Variants in PRKX observed in about 807,000 individuals in gnomAD.
The protein encoded by PRKX is protein kinase cAMP-dependent X-linked catalytic subunit, also known as cAMP-dependent protein kinase catalytic subunit PRKX.
In PRKX, 12 loss-of-function variants were observed where a neutral mutation model predicts 22.0. The ratio of observed to expected loss-of-function variants is 0.54; its 90% CI spans 0.35 to 0.88. The LOEUF is 0.88. Ranked by LOEUF, PRKX falls within the 40% of genes least tolerant of loss-of-function variation. The probability of loss-of-function intolerance (pLI) is 0.01; values close to 1 mark genes in which losing one functional copy is unlikely to be tolerated. For missense variants in PRKX, 217 were observed against 308.0 expected (o/e 0.70, Z 2.21); for synonymous variants, 134 against 137.7 (o/e 0.97, Z 0.19).
At chrX:3,642,706 G>A (rs557355045) in intron 3 of PRKX, among the ~76,000 whole-genome samples, 3 of 109,660 alleles carry the variant, frequency 2.7e-5, no homozygotes, top group Middle Eastern at 9.5e-3. Context: ...AATAATTCAA[G>A]AACTCGCTTA....
intron 2 of PRKX, among the ~76,000 whole-genome samples, chrX:3,665,054 A>G (rs1927691417): frequency 9.0e-6 from 1 of 111,718 alleles, no homozygotes; most frequent in Non-Finnish European, 1.9e-5. Context: ...AATGATGCAT[A>G]CTCTAGTGGC....
In PRKX at chrX:3,713,539, C is replaced by T. The variant is rs1012524338; in HGVS notation, c.-286G>A. The T allele has an allele frequency of 4.8e-6, 1 of 207,462 alleles. No individual in the cohort carries two copies. Among genetic ancestry groups the T allele is most frequent in the Non-Finnish European group, 8.8e-6 (1 of 113,200 alleles). 17.1% of individuals were successfully genotyped at this position (207,462 alleles called of 1,213,427 possible). Reference sequence around the variant, plus strand: ...ACTGCGGGGAAGGCGGGGGCCGCGGCCCGGGCTGGGGGGGGCGAGGCGGGG... The same window carrying T: ...ACTGCGGGGAAGGCGGGGGCCGCGGTCCGGGCTGGGGGGGGCGAGGCGGGG... On this transcript the variant is annotated 5_prime_UTR_variant, in exon 1 of 9. Transcript: ENST00000262848.
chrX:3,702,657 C>T (rs1488706021), intron 1 of PRKX, among the ~76,000 whole-genome samples: 1 of 101,558 alleles, frequency 9.8e-6, no homozygotes. Context: ...TGGAGGCCAG[C>T]AGGGAAGACA....
Position 3,705,043 on chromosome X carries a change from A to G in PRKX, c.166+8045T>C, listed in dbSNP as rs368918986. Among the ~76,000 whole-genome samples, 115 of 112,012 alleles carry G rather than the reference A, an allele frequency of 1.0e-3. 2 individuals carry two copies. The South Asian group carries it at 0.019, about 19-fold the overall frequency. On this transcript the variant is annotated intron_variant, in intron 1 of 8. Coordinates refer to ENST00000262848, the MANE Select transcript of PRKX (RefSeq NM_005044.5). The stretch of plus-strand genomic sequence containing the variant: ...ACCAGCGCATTGCAGCTGCCTTTCC[A>G]TGGACCCTGCCGCGTGGGGTGAATA...
rs190268805 is a variant in PRKX, at chrX:3,688,390, G to A, written c.167-13624C>T. 4.5e-4 allele frequency among the ~76,000 whole-genome samples: 47 copies of A among 103,421 alleles called. 4 individuals are homozygous for A. Among genetic ancestry groups the A allele is most frequent in the Middle Eastern group, 5.0e-3 (1 of 200 alleles). 89.8% of individuals were successfully genotyped at this position (103,421 alleles called of 115,157 possible). A position where few individuals can be genotyped will look rare whatever the true frequency, so the allele number is the denominator to read the frequency against. On this transcript the variant is annotated intron_variant, in intron 1 of 8. Transcript: ENST00000262848. ...AAACCTGGGAAGCGGAGGCTGCAGTGAGCCAAGATCACACCACTGCATTCC... is the reference window on the plus strand; with the variant it reads ...AAACCTGGGAAGCGGAGGCTGCAGTAAGCCAAGATCACACCACTGCATTCC...
intron 1 of PRKX, among the ~76,000 whole-genome samples, chrX:3,676,672 T>G (rs745553179): frequency 8.9e-6 from 1 of 111,903 alleles, no homozygotes; most frequent in Admixed American, 9.5e-5. Flanking sequence ...ATGATCTCAC[T>G]TATACAAGGA....
At chrX:3,661,873 T>C (rs1927602772) in intron 2 of PRKX, among the ~76,000 whole-genome samples, 1 of 111,693 alleles carries the variant, frequency 9.0e-6, no homozygotes, top group South Asian at 3.8e-4. Context: ...TCTATAAAAG[T>C]TCAAAAGCAA....
intron 1 of PRKX, among the ~76,000 whole-genome samples, chrX:3,710,100 T>G (rs1453873854): frequency 4.5e-5 from 5 of 110,567 alleles, no homozygotes; most frequent in Non-Finnish European, 5.7e-5. Flanking sequence ...GAAATTTCTT[T>G]TTTTAAAGCA....
intron 8 of PRKX, 102 bp downstream of exon 8, chrX:3,612,075 C>G (rs1926306769): frequency 1.3e-6 from 1 of 774,500 alleles, no homozygotes. Flanking sequence ...CTGCTGACCT[C>G]TGTGTGCATG....
At chrX:3,632,164 T>G (rs1459211673) in intron 4 of PRKX, among the ~76,000 whole-genome samples, 1 of 111,916 alleles carries the variant, frequency 8.9e-6, no homozygotes, top group Non-Finnish European at 1.9e-5. Flanking sequence ...ATTTCTTCCT[T>G]CTTAAATAAC....
intron 1 of PRKX, among the ~76,000 whole-genome samples, chrX:3,697,272 A>T (rs1403233597): frequency 9.0e-6 from 1 of 111,119 alleles, no homozygotes; most frequent in Non-Finnish European, 1.9e-5. Context: ...AAGGCGCGGC[A>T]CGAGGACTGC....
At chrX:3,637,547 A>G (rs1427283987) in intron 4 of PRKX, among the ~76,000 whole-genome samples, 2 of 111,280 alleles carry the variant, frequency 1.8e-5, no homozygotes, top group Non-Finnish European at 3.8e-5. Context: ...CGAAGCTGGT[A>G]ACTCTCAAAA....
intron 1 of PRKX, among the ~76,000 whole-genome samples, chrX:3,696,708 C>G (rs1928448806): frequency 8.9e-6 from 1 of 112,412 alleles, no homozygotes; most frequent in Non-Finnish European, 1.9e-5. Flanking sequence ...AATTAGGGAT[C>G]TTCTTTATAA....
At chrX:3,630,867 T>A (rs1926766707) in intron 4 of PRKX, among the ~76,000 whole-genome samples, 1 of 111,196 alleles carries the variant, frequency 9.0e-6, no homozygotes, top group Non-Finnish European at 1.9e-5. Context: ...AACATGAGAT[T>A]TGGGTGGGGA....
chrX:3,672,533 C>T (rs1466515410), intron 2 of PRKX, among the ~76,000 whole-genome samples: 1 of 111,123 alleles, frequency 9.0e-6, no homozygotes, highest in African/African-American at 3.3e-5. Flanking sequence ...GTATACTCCA[C>T]CCACTCCCAT....
chrX:3,652,413 A>G (rs1485943678), intron 3 of PRKX, among the ~76,000 whole-genome samples: 6 of 97,912 alleles, frequency 6.1e-5, no homozygotes, highest in African/African-American at 1.9e-4. Context: ...GCCAGACTCC[A>G]TCTCAAAAAA....
Position 3,678,008 on chromosome X carries a change from T to C in PRKX, c.167-3242A>G, listed in dbSNP as rs1357459540. ...ATGGTGTGGACAAAATTAGGTGGAA[T>C]CAGGTCAAAGACAGGAAGTGGGAGA... On this transcript the variant is annotated intron_variant, in intron 1 of 8. Coordinates refer to ENST00000262848, the MANE Select transcript of PRKX (RefSeq NM_005044.5). 2.7e-5 allele frequency among the ~76,000 whole-genome samples: 3 copies of C among 112,162 alleles called. No homozygotes were observed. In the East Asian group the frequency reaches 8.3e-4, roughly 31 times the overall value.
Position 3,682,333 on chromosome X carries a change from A to G in PRKX, c.167-7567T>C, listed in dbSNP as rs753891057. On this transcript the variant is annotated intron_variant, in intron 1 of 8. Transcript: ENST00000262848. Reference sequence around the variant, plus strand: ...TCTCCCCTCTCCCCACTTTGTGTGCATTGAATGGGGTGCCCTGGAAAAGAT... The same window carrying G: ...TCTCCCCTCTCCCCACTTTGTGTGCGTTGAATGGGGTGCCCTGGAAAAGAT... Among the ~76,000 whole-genome samples, 536 of 110,843 alleles carry G rather than the reference A, an allele frequency of 4.8e-3. 4 individuals carry two copies. The highest frequency in any genetic ancestry group is 0.017 in the African/African-American group (504 of 30,460).
intron 4 of PRKX, among the ~76,000 whole-genome samples, chrX:3,636,974 AGGGGAAAG>A (rs1926900658): frequency 9.6e-6 from 1 of 104,082 alleles, no homozygotes; most frequent in Non-Finnish European, 2.0e-5. Context: ...GAAAGGAAAA[AGGGGAAAG>A]GGGAAAAGGG....
Sources: allele counts gnomAD v4.1 joint callset (sites outside exome capture counted in the v4.1 genomes callset), GRCh38; gene constraint gnomAD v4.1.1; transcripts MANE v1.5; gene names NCBI Gene and HGNC (gene_info 2026-07-23, HGNC 2026-07-21).